ALK: variants seen among roughly 807,000 people sequenced by gnomAD.
ALK encodes ALK receptor tyrosine kinase.
A neutral mutation model predicts 163.1 loss-of-function variants in ALK; 74 were observed. The ratio of observed to expected loss-of-function variants is 0.45; its 90% CI spans 0.38 to 0.55. ALK has a LOEUF of 0.55. Among genes scored for constraint, ALK ranks in the 20% least tolerant of loss-of-function variants. The pLI, the probability that ALK is intolerant of heterozygous loss-of-function variation, is 0.00. For missense variants in ALK, 2,063 were observed against 2,105.3 expected (o/e 0.98, Z 0.39); for synonymous variants, 960 against 843.2 (o/e 1.14, Z -2.40).
chr2:29,386,214 C>T (rs1179996256), intron 4 of ALK, among the ~76,000 whole-genome samples: 1 of 152,230 alleles, frequency 6.6e-6, no homozygotes, highest in Non-Finnish European at 1.5e-5. Flanking sequence ...ATTCAGGTCA[C>T]TGAAGCTAAT....
At chr2:29,457,698 A>G (rs941385490) in intron 4 of ALK, among the ~76,000 whole-genome samples, 5 of 152,180 alleles carry the variant, frequency 3.3e-5, no homozygotes, top group Non-Finnish European at 7.4e-5. Flanking sequence ...AGAGATAAAT[A>G]AAACCAATAA....
chr2:29,318,270 G>T (rs1363043217), intron 8 of ALK, 34 bp downstream of exon 8: 5 of 1,544,956 alleles, frequency 3.2e-6, no homozygotes, highest in Non-Finnish European at 4.5e-6. Flanking sequence ...GGTGGGAGGA[G>T]AAATTAGAGA....
At chr2:29,736,526 A>T (rs1679897072) in intron 1 of ALK, among the ~76,000 whole-genome samples, 1 of 152,072 alleles carries the variant, frequency 6.6e-6, no homozygotes, top group Non-Finnish European at 1.5e-5. Context: ...CAAGGGAACA[A>T]GTTTAATAAA....
intron 4 of ALK, among the ~76,000 whole-genome samples, chr2:29,518,490 T>C (rs1178838212): frequency 6.6e-6 from 1 of 152,230 alleles, no homozygotes; most frequent in Non-Finnish European, 1.5e-5. Context: ...GAAATGGTTT[T>C]AGTGAAATGC....
intron 2 of ALK, among the ~76,000 whole-genome samples, chr2:29,716,994 TCCAAAAAAA>T (rs1430146254): frequency 3.2e-4 from 32 of 98,588 alleles, no homozygotes; most frequent in South Asian, 1.1e-3. Context: ...CTACCAAAAA[TCCAAAAAAA>T]AAAAAAAAAA....
At chr2:29,696,235 G>C (rs577434169) in intron 2 of ALK, among the ~76,000 whole-genome samples, 2 of 152,032 alleles carry the variant, frequency 1.3e-5, no homozygotes, top group Non-Finnish European at 2.9e-5. Context: ...TCTTTTGCAC[G>C]GACATAGATG....
Position 29,870,100 on chromosome 2 carries a change from T to C in ALK, c.667+49893A>G, listed in dbSNP as rs1666540130. 2.0e-5 allele frequency among the ~76,000 whole-genome samples: 3 copies of C among 152,192 alleles called. No individual in the cohort carries two copies. The South Asian group carries it at 6.2e-4, about 32-fold the overall frequency. Reference sequence around the variant, plus strand: ...TTTTTTTAAAAGTTGGTGAGTTAATTTGACAACACACATCATAATGAATAA... The same window carrying C: ...TTTTTTTAAAAGTTGGTGAGTTAATCTGACAACACACATCATAATGAATAA... On this transcript the variant is annotated intron_variant, in intron 1 of 28. Transcript: ENST00000389048.
chr2:29,819,990 G>A (rs1665006202), intron 1 of ALK, among the ~76,000 whole-genome samples: 1 of 152,220 alleles, frequency 6.6e-6, no homozygotes, highest in Non-Finnish European at 1.5e-5. Flanking sequence ...AGACTGGGGT[G>A]CCTTGGGTAA....
chr2:29,249,952 C>T (rs993205434), intron 12 of ALK, among the ~76,000 whole-genome samples: 4 of 152,300 alleles, frequency 2.6e-5, no homozygotes, highest in Middle Eastern at 6.8e-3. Context: ...TAGGGCTGTC[C>T]CCGTAACACA....
intron 1 of ALK, among the ~76,000 whole-genome samples, chr2:29,893,578 AGGATTCTTTC>A (rs1045166079): frequency 1.3e-5 from 2 of 152,154 alleles, no homozygotes; most frequent in African/African-American, 4.8e-5. Flanking sequence ...GGAATGTTCC[AGGATTCTTTC>A]TCAGCTTGGC....
At chr2:29,872,363 T>C (rs924535767) in intron 1 of ALK, among the ~76,000 whole-genome samples, 1 of 152,188 alleles carries the variant, frequency 6.6e-6, no homozygotes, top group African/African-American at 2.4e-5. Context: ...TTAAACTAGA[T>C]ACAGACGTTC....
At position 29,438,854 on chromosome 2, in the gene ALK, G is replaced by A. The variant is rs115178499; in HGVS notation, c.1155-54995C>T. ...GGAGTAGGTTACAATATCCCCCAGC[G>A]CTCCTACTGATTTGGGGAGGAGAGC... is the stretch of plus-strand genomic sequence containing the variant. On this transcript the variant is annotated intron_variant, in intron 4 of 28. Coordinates refer to ENST00000389048, the MANE Select transcript of ALK (RefSeq NM_004304.5). Among the ~76,000 whole-genome samples the A allele has an allele frequency of 6.8e-3, 1,029 of 152,262 alleles. 9 individuals carry two copies. The highest frequency in any genetic ancestry group is 0.023 in the African/African-American group (967 of 41,534).
intron 23 of ALK, among the ~76,000 whole-genome samples, chr2:29,214,831 G>A (rs1669557947): frequency 2.0e-5 from 3 of 152,136 alleles, no homozygotes; most frequent in South Asian, 2.1e-4. Context: ...TGCAGTGTCC[G>A]AGTCACTGTG....
At chr2:29,869,413 G>T (rs901269841) in intron 1 of ALK, among the ~76,000 whole-genome samples, 1 of 152,110 alleles carries the variant, frequency 6.6e-6, no homozygotes, top group African/African-American at 2.4e-5. Context: ...CTATCTAATT[G>T]TCTCAATATT....
At chr2:29,820,838 G>C (rs1375807026) in intron 1 of ALK, among the ~76,000 whole-genome samples, 1 of 152,218 alleles carries the variant, frequency 6.6e-6, no homozygotes, top group Non-Finnish European at 1.5e-5. Context: ...GGGACTCAGA[G>C]AGCTGGAGCT....
At chr2:29,856,081 G>A (rs1666131450) in intron 1 of ALK, among the ~76,000 whole-genome samples, 1 of 152,130 alleles carries the variant, frequency 6.6e-6, no homozygotes, top group Admixed American at 6.5e-5. Flanking sequence ...TGAGGTGACT[G>A]CCTGATTAAT....
At chr2:29,576,892 A>G (rs1043533439) in intron 3 of ALK, among the ~76,000 whole-genome samples, 3 of 151,932 alleles carry the variant, frequency 2.0e-5, no homozygotes, top group African/African-American at 7.3e-5. Context: ...TAGTTGCAGG[A>G]AAACAAGCTC....
intron 6 of ALK, among the ~76,000 whole-genome samples, chr2:29,323,462 G>A (rs183337985): frequency 3.9e-5 from 6 of 152,298 alleles, no homozygotes; most frequent in Non-Finnish European, 7.3e-5. Flanking sequence ...TTTCAGCTTG[G>A]CATAGAATCC....
intron 25 of ALK, among the ~76,000 whole-genome samples, chr2:29,209,125 T>TAAGAA (rs113884566): frequency 6.6e-6 from 1 of 151,420 alleles, no homozygotes; most frequent in Non-Finnish European, 1.5e-5. Context: ...TCCTGAGTAC[T>TAAGAA]GAGGAGTTGA....
Sources: gnomAD v4.1 joint callset for allele counts (sites outside exome capture counted in the v4.1 genomes callset) on GRCh38, gnomAD v4.1.1 for gene constraint, MANE v1.5 for transcripts, NCBI Gene and HGNC (gene_info 2026-07-23, HGNC 2026-07-21) for gene names.